Variants in MACROD2 observed in about 807,000 individuals in gnomAD.
MACROD2 encodes mono-ADP ribosylhydrolase 2, also known as ADP-ribose glycohydrolase MACROD2.
A neutral mutation model predicts 70.4 loss-of-function variants in MACROD2; 36 were observed. That is an observed-to-expected ratio of 0.51 (90% CI 0.39 to 0.68). The LOEUF (loss-of-function observed/expected upper bound fraction) is 0.68. Among genes scored for constraint, MACROD2 ranks in the 30% least tolerant of loss-of-function variants. MACROD2 has a pLI of 0.00. For synonymous variants in MACROD2, 172 were observed against 178.8 expected (o/e 0.96, Z 0.30); for missense variants, 496 against 538.4 (o/e 0.92, Z 0.78).
At chr20:14,945,974 G>A (rs374354280) in intron 5 of MACROD2, among the ~76,000 whole-genome samples, 8 of 152,226 alleles carry the variant, frequency 5.3e-5, no homozygotes, top group Non-Finnish European at 7.4e-5. Context: ...TTGGGAGGCC[G>A]AGGTGGGTGG....
intron 3 of MACROD2, among the ~76,000 whole-genome samples, chr20:14,433,497 C>A (rs2084019076): frequency 6.6e-6 from 1 of 151,936 alleles, no homozygotes; most frequent in African/African-American, 2.4e-5. Context: ...TGGAAAGAAA[C>A]CCAAGTACTT....
chr20:14,565,704 A>G (rs1169461399), intron 4 of MACROD2, among the ~76,000 whole-genome samples: 1 of 151,948 alleles, frequency 6.6e-6, no homozygotes, highest in Admixed American at 6.6e-5. Context: ...CTTCTACATA[A>G]AAAGTTAAAC....
At chr20:15,375,900 G>C (rs763655601) in intron 6 of MACROD2, among the ~76,000 whole-genome samples, 1 of 152,020 alleles carries the variant, frequency 6.6e-6, no homozygotes, top group Non-Finnish European at 1.5e-5. Flanking sequence ...TCAAAACCAG[G>C]TCTGTCTTTT....
At chr20:15,448,450 A>G (rs571733385) in intron 7 of MACROD2, among the ~76,000 whole-genome samples, 21 of 152,264 alleles carry the variant, frequency 1.4e-4, no homozygotes, top group African/African-American at 5.1e-4. Context: ...ATAGCCCTTA[A>G]TACAATCAAA....
At chr20:15,054,496 G>A (rs1006746960) in intron 5 of MACROD2, among the ~76,000 whole-genome samples, 1 of 152,088 alleles carries the variant, frequency 6.6e-6, no homozygotes, top group African/African-American at 2.4e-5. Flanking sequence ...TAGTAATAAA[G>A]TATTTTTTAA....
chr20:15,449,282 G>T (rs977109163), intron 7 of MACROD2, among the ~76,000 whole-genome samples: 1 of 120,322 alleles, frequency 8.3e-6, no homozygotes, highest in Non-Finnish European at 1.7e-5. Flanking sequence ...TCCTTGAGAG[G>T]GCTCCTATTA....
Position 15,793,490 on chromosome 20 carries a change from G to C in MACROD2, c.646-69255G>C, listed in dbSNP as rs568542203. On this transcript the variant is annotated intron_variant, in intron 8 of 17. Transcript: ENST00000684519. ...TGTTTTTCCTTTAAGATCAAAAGCA[G>C]CAATCTGAATTGTAAGATTCTGGGG... 2.0e-5 allele frequency among the ~76,000 whole-genome samples: 3 copies of C among 152,148 alleles called. No individual in the cohort carries two copies. The South Asian group carries it at 6.2e-4, about 32-fold the overall frequency.
chr20:14,464,840 C>T (rs905868058), intron 3 of MACROD2, among the ~76,000 whole-genome samples: 1 of 151,972 alleles, frequency 6.6e-6, no homozygotes, highest in Non-Finnish European at 1.5e-5. Context: ...TGTAGTTGAG[C>T]AGTTTTGAGT....
chr20:14,904,041 A>C (rs1207361573), intron 5 of MACROD2, among the ~76,000 whole-genome samples: 1 of 152,198 alleles, frequency 6.6e-6, no homozygotes, highest in East Asian at 1.9e-4. Flanking sequence ...AACACTAAGA[A>C]GTTTCTGCCT....
chr20:14,923,823 T>G (rs867157709), intron 5 of MACROD2, among the ~76,000 whole-genome samples: 433 of 82,938 alleles, frequency 5.2e-3, no homozygotes, highest in Admixed American at 7.0e-3. Context: ...GGGGAGGGGG[T>G]GGAGGGTTGG....
At chr20:14,896,542 C>A (rs2073832093) in intron 5 of MACROD2, among the ~76,000 whole-genome samples, 1 of 152,050 alleles carries the variant, frequency 6.6e-6, no homozygotes, top group Non-Finnish European at 1.5e-5. Flanking sequence ...CAGACCTTTT[C>A]TCTTCAGTGC....
chr20:14,100,158 T>C (rs2054279208), intron 3 of MACROD2, among the ~76,000 whole-genome samples: 1 of 151,990 alleles, frequency 6.6e-6, no homozygotes, highest in African/African-American at 2.4e-5. Context: ...CCCTTCATCA[T>C]ATGGGAAGAC....
At chr20:14,880,029 G>A (rs754794128) in intron 5 of MACROD2, among the ~76,000 whole-genome samples, 38 of 152,098 alleles carry the variant, frequency 2.5e-4, no homozygotes, top group East Asian at 1.9e-4. Context: ...TCGTGCTTTC[G>A]TTTTGGATGA....
intron 8 of MACROD2, among the ~76,000 whole-genome samples, chr20:15,784,152 C>G (rs2051881251): frequency 6.6e-6 from 1 of 152,050 alleles, no homozygotes; most frequent in Non-Finnish European, 1.5e-5. Flanking sequence ...AAGTGTGTGA[C>G]TCTACAGTTT....
chr20:15,031,301 C>A (rs1395665478), intron 5 of MACROD2, among the ~76,000 whole-genome samples: 1 of 152,194 alleles, frequency 6.6e-6, no homozygotes, highest in Non-Finnish European at 1.5e-5. Flanking sequence ...AGGGCTGCAG[C>A]TCTTCTCTCC....
chr20:15,264,125 C>A (rs1052538114), intron 6 of MACROD2, among the ~76,000 whole-genome samples: 57 of 152,252 alleles, frequency 3.7e-4, no homozygotes, highest in African/African-American at 1.3e-3. Context: ...AGGCCAAAAT[C>A]TGGCCAATAA....
At chr20:14,099,994 G>T (rs568338211) in intron 3 of MACROD2, among the ~76,000 whole-genome samples, 1 of 152,138 alleles carries the variant, frequency 6.6e-6, no homozygotes, top group East Asian at 1.9e-4. Context: ...TGGTCATATG[G>T]CCAAGGATAA....
At chr20:15,882,127 G>C (rs921198905) in intron 9 of MACROD2, among the ~76,000 whole-genome samples, 2 of 152,070 alleles carry the variant, frequency 1.3e-5, no homozygotes, top group African/African-American at 4.8e-5. Context: ...TTTGCCCTCT[G>C]AAAGTTCACT....
chr20:14,660,254 C>T (rs1986162756), intron 4 of MACROD2, among the ~76,000 whole-genome samples: 1 of 152,100 alleles, frequency 6.6e-6, no homozygotes, highest in African/African-American at 2.4e-5. Context: ...GAGAAAAGTC[C>T]ATATTCCATT....
Sources: gnomAD v4.1 joint callset for allele counts (sites outside exome capture counted in the v4.1 genomes callset) on GRCh38, gnomAD v4.1.1 for gene constraint, MANE v1.5 for transcripts, NCBI Gene and HGNC (gene_info 2026-07-23, HGNC 2026-07-21) for gene names.